The following PPP2R5D variants were observed in gnomAD, a reference collection of about 807,000 sequenced individuals.
PPP2R5D encodes protein phosphatase 2 regulatory subunit B'delta.
In PPP2R5D, 12 loss-of-function variants were observed where a neutral mutation model predicts 79.1. The ratio of observed to expected loss-of-function variants is 0.15; its 90% CI spans 0.10 to 0.25. PPP2R5D has a LOEUF of 0.25. PPP2R5D is among the 10% of genes least tolerant of loss of function. The probability of loss-of-function intolerance (pLI) is 1.00; values close to 1 mark genes in which losing one functional copy is unlikely to be tolerated. For missense variants in PPP2R5D, 419 were observed against 760.2 expected, an observed-to-expected ratio of 0.55 and a Z score of 5.28; for synonymous variants, 277 against 286.6, an observed-to-expected ratio of 0.97 and a Z score of 0.34.
At chr6:42,994,332 G>C (rs1771481167) in intron 2 of PPP2R5D, among the ~76,000 whole-genome samples, 1 of 152,166 alleles carries the variant, frequency 6.6e-6, no homozygotes, top group Non-Finnish European at 1.5e-5. Flanking sequence ...CAGTAAGGCA[G>C]TAAGGCAGAG....
rs1169059704 is a variant in PPP2R5D, at chr6:43,007,773, T to C, written c.727-162T>C. 1.3e-5 allele frequency among the ~76,000 whole-genome samples: 2 copies of C among 152,210 alleles called. No individual in the cohort carries two copies. Among genetic ancestry groups the C allele is most frequent in the Admixed American group, 6.5e-5 (1 of 15,274 alleles). ...ATCACTTTGGAAGTCTCAGTACAAA[T>C]ACAATAGAATCAGCAATATAATAGA... On this transcript the variant is annotated intron_variant, in intron 6 of 15. Transcript: ENST00000485511. The surrounding 1 kb of genome is among the most constrained non-coding windows in gnomAD (Gnocchi z 4.5).
rs200953295 is a variant in PPP2R5D, at chr6:43,011,307, G to C, written c.*21G>C. ...TCTGACCCCTCACGTTCCTACCACA[G>C]GGCCACAGCCCACACAGCCCTGGGA... On this transcript the variant is annotated 3_prime_UTR_variant, in exon 16 of 16. Coordinates refer to ENST00000485511, the MANE Select transcript of PPP2R5D (RefSeq NM_006245.4). The C allele has an allele frequency of 3.5e-5, 56 of 1,612,718 alleles. No individual in the cohort carries two copies. The East Asian group carries it at 5.1e-4, about 15-fold the overall frequency.
intron 2 of PPP2R5D, among the ~76,000 whole-genome samples, chr6:43,001,912 C>T (rs1250300383): frequency 2.1e-5 from 3 of 146,312 alleles, no homozygotes; most frequent in Admixed American, 1.4e-4. Flanking sequence ...TTCTTTAGTG[C>T]GTGACAGAGC....
chr6:42,997,906 G>A (rs1771821123), intron 2 of PPP2R5D, among the ~76,000 whole-genome samples: 1 of 148,040 alleles, frequency 6.8e-6, no homozygotes, highest in Admixed American at 6.9e-5. Context: ...GTCTCGAACT[G>A]TTCTCAAGTG....
chr6:42,994,177 C>T (rs115010171), intron 2 of PPP2R5D, among the ~76,000 whole-genome samples: 1,711 of 152,230 alleles, frequency 0.011, 35 homozygotes, highest in African/African-American at 0.038. Context: ...CATGGTCCAG[C>T]TACTTGGGAG....
In PPP2R5D at chr6:43,007,169, G is replaced by A. The variant is rs1254017123; in HGVS notation, c.523-27G>A. On this transcript the variant is annotated intron_variant, in intron 4 of 15. Transcript: ENST00000485511. This position sits in a 1 kb window ranked among gnomAD's most constrained non-coding sequence, Gnocchi z 4.5. ...TGAGGGGCTCTGGAGAAGCCCAGGT[G>A]GAGCTCTAACTGGCCCTACCCCTCA... The A allele has an allele frequency of 2.5e-6, 4 of 1,613,776 alleles. No individual in the cohort carries two copies. The highest frequency in any genetic ancestry group is 3.4e-6 in the Non-Finnish European group (4 of 1,179,808).
chr6:42,994,810 C>T (rs1228405723), intron 2 of PPP2R5D, among the ~76,000 whole-genome samples: 2 of 146,630 alleles, frequency 1.4e-5, no homozygotes, highest in Non-Finnish European at 3.0e-5. Context: ...AAGAGCAAAA[C>T]TCCATCTCAA....
chr6:43,008,620 G>T lies in PPP2R5D; in HGVS notation c.1027-73G>T. The stretch of plus-strand genomic sequence containing the variant: ...ATCTCCCCTTCCCTTCTGGGATCTT[G>T]TTTCTATCACTGACTTCTCTGAGAG... On this transcript the variant is annotated intron_variant, in intron 9 of 15. Coordinates refer to ENST00000485511, the MANE Select transcript of PPP2R5D (RefSeq NM_006245.4). The surrounding 1 kb of genome is among the most constrained non-coding windows in gnomAD (Gnocchi z 4.2). The T allele has an allele frequency of 6.5e-7, 1 of 1,544,406 alleles. No individual in the cohort carries two copies. The highest frequency in any genetic ancestry group is 1.1e-5 in the South Asian group (1 of 89,292).
At chr6:43,002,016 G>T (rs902850335) in intron 2 of PPP2R5D, among the ~76,000 whole-genome samples, 1 of 151,884 alleles carries the variant, frequency 6.6e-6, no homozygotes, top group African/African-American at 2.4e-5. Flanking sequence ...AGGTATGGTT[G>T]TCATCCCATT....
intron 1 of PPP2R5D, 47 bp from the exon 2 acceptor site, chr6:42,989,564 C>T (rs1771101442): frequency 1.4e-6 from 2 of 1,478,592 alleles, no homozygotes; most frequent in Admixed American, 1.8e-5. Context: ...TAAGACCTCT[C>T]CCTTCTCCTG....
intron 2 of PPP2R5D, among the ~76,000 whole-genome samples, chr6:42,998,061 T>A (rs1269049667): frequency 4.8e-3 from 112 of 23,104 alleles, no homozygotes; most frequent in African/African-American, 6.5e-3. Context: ...ATATATATTT[T>A]TTTTTTTTTT....
At position 43,007,332 on chromosome 6, in the gene PPP2R5D, C is replaced by T; in HGVS notation, c.633+26C>T. The T allele has an allele frequency of 1.2e-6, 2 of 1,611,790 alleles. No individual in the cohort carries two copies. The highest frequency in any genetic ancestry group is 8.5e-7 in the Non-Finnish European group (1 of 1,177,858). On this transcript the variant is annotated intron_variant, in intron 5 of 15. Coordinates refer to ENST00000485511, the MANE Select transcript of PPP2R5D (RefSeq NM_006245.4). The surrounding 1 kb of genome is among the most constrained non-coding windows in gnomAD (Gnocchi z 4.5). ...GTACCAGGGCAAGGGGGCAGATTGG[C>T]CGTGGCTGCAGGGAGTGGGGCACTT...
At chr6:42,994,093 G>A (rs1046621783) in intron 2 of PPP2R5D, among the ~76,000 whole-genome samples, 1 of 152,102 alleles carries the variant, frequency 6.6e-6, no homozygotes, top group Non-Finnish European at 1.5e-5. Flanking sequence ...GACCACCTGA[G>A]GTCAGGAGTT....
chr6:42,991,889 C>T (rs1490474162), intron 2 of PPP2R5D, among the ~76,000 whole-genome samples: 4 of 152,148 alleles, frequency 2.6e-5, no homozygotes, highest in African/African-American at 9.7e-5. Context: ...TTGAGTTCAC[C>T]TTGGGCTGTT....
rs1762154684 is a variant in PPP2R5D at position 43,007,551 on chromosome 6, G to A, written c.726+45G>A. On this transcript the variant is annotated intron_variant, in intron 6 of 15. Transcript: ENST00000485511. The surrounding 1 kb of genome is among the most constrained non-coding windows in gnomAD (Gnocchi z 4.5). ...TCCTTGCCCTCTCTTTCCATTCCAT[G>A]CCCCCTTCATCTGTGTCCCAGTGGC... is the stretch of plus-strand genomic sequence containing the variant. 2.7e-6 allele frequency: 4 copies of A among 1,500,722 alleles called. No homozygotes were observed. The African/African-American group carries it at 5.5e-5, about 21-fold the overall frequency. The allele number at this position is 1,500,722 out of a possible 1,614,324, so 93.0% of individuals were successfully genotyped here.
Position 43,007,810 on chromosome 6 carries a change from C to G in PPP2R5D, c.727-125C>G. 2.4e-6 allele frequency: 3 copies of G among 1,256,226 alleles called. No individual in the cohort carries two copies. The highest frequency in any genetic ancestry group is 3.4e-6 in the Non-Finnish European group (3 of 884,852). The allele number at this position is 1,256,226 out of a possible 1,614,324, so 77.8% of individuals were successfully genotyped here. Reference sequence around the variant, plus strand: ...AGCAATATAATAGAATCACTGCTTTCTAAGACTTGCTGGCCCCCACTCCAG... The same window carrying G: ...AGCAATATAATAGAATCACTGCTTTGTAAGACTTGCTGGCCCCCACTCCAG... On this transcript the variant is annotated intron_variant, in intron 6 of 15. Transcript: ENST00000485511. The surrounding 1 kb of genome is among the most constrained non-coding windows in gnomAD (Gnocchi z 4.5).
intron 2 of PPP2R5D, among the ~76,000 whole-genome samples, chr6:42,998,324 C>T (rs548639199): frequency 2.3e-4 from 34 of 150,750 alleles, no homozygotes; most frequent in African/African-American, 8.0e-4. Flanking sequence ...CTGCCTGCCT[C>T]GGCCTCCCAA....
At chr6:42,987,051 T>C (rs1770907749) in intron 1 of PPP2R5D, among the ~76,000 whole-genome samples, 1 of 152,104 alleles carries the variant, frequency 6.6e-6, no homozygotes, top group Non-Finnish European at 1.5e-5. Context: ...ACCTGTCCCC[T>C]CTCTCCTGGC....
At chr6:43,002,598 A>G (rs368793251) in intron 2 of PPP2R5D, among the ~76,000 whole-genome samples, 1 of 152,038 alleles carries the variant, frequency 6.6e-6, no homozygotes, top group Non-Finnish European at 1.5e-5. Flanking sequence ...TGCCATATGT[A>G]GAAAGGGAGA....
Sources: gnomAD v4.1 joint callset for allele counts (sites outside exome capture counted in the v4.1 genomes callset) on GRCh38, gnomAD v4.1.1 for gene constraint, Gnocchi (gnomAD v3.1) non-coding constraint, MANE v1.5 for transcripts, NCBI Gene and HGNC (gene_info 2026-07-23, HGNC 2026-07-21) for gene names.